Variants in GRB2 observed in about 807,000 individuals in gnomAD.
The protein encoded by GRB2 is growth factor receptor-bound protein 2.
In GRB2, 2 loss-of-function variants were observed where a neutral mutation model predicts 27.4. The ratio of observed to expected loss-of-function variants is 0.07; its 90% CI spans 0.03 to 0.23. The LOEUF (loss-of-function observed/expected upper bound fraction) is 0.23, where lower values mean the gene tolerates loss of function less well. Ranked by LOEUF, GRB2 falls within the 10% of genes least tolerant of loss-of-function variation. The pLI is 1.00. For synonymous variants in GRB2, 94 were observed against 99.6 expected (o/e 0.94, Z 0.33); for missense variants, 102 against 282.4 (o/e 0.36, Z 4.58).
At chr17:75,393,894 C>T in intron 1 of GRB2, 129 bp from the exon 2 acceptor site, 1 of 485,612 alleles carries the variant, frequency 2.1e-6, no homozygotes, top group Non-Finnish European at 3.6e-6. Context: ...CCCTCCCTTC[C>T]AGGCAACAGC....
At chr17:75,389,236 C>G (rs1307471320) in intron 2 of GRB2, among the ~76,000 whole-genome samples, 1 of 152,174 alleles carries the variant, frequency 6.6e-6, no homozygotes, top group Non-Finnish European at 1.5e-5. Context: ...CTTCCTATCT[C>G]AAACACAACA....
intron 2 of GRB2, among the ~76,000 whole-genome samples, chr17:75,345,203 T>C (rs36023980): frequency 0.62 from 93,616 of 151,684 alleles, 33,135 homozygotes; most frequent in East Asian, 0.86. Context: ...CCACCACGCC[T>C]GGCTAATTTT....
At position 75,353,908 on chromosome 17, in the gene GRB2, T is replaced by A. The variant is rs569584927; in HGVS notation, c.79-21111A>T. Among the ~76,000 whole-genome samples, 41 of 146,336 alleles carry A rather than the reference T, an allele frequency of 2.8e-4. No homozygotes were observed. In the South Asian group the frequency reaches 9.0e-3, roughly 32 times the overall value. ...ACAAAAAATTAGCCAAGCATGGTGG[T>A]GCATGCCTGTAATCCCAGCTACTTG... On this transcript the variant is annotated intron_variant, in intron 2 of 5. Transcript: ENST00000316804.
At chr17:75,364,150 T>C (rs897670797) in intron 2 of GRB2, among the ~76,000 whole-genome samples, 14 of 152,166 alleles carry the variant, frequency 9.2e-5, no homozygotes, top group Non-Finnish European at 1.6e-4. Flanking sequence ...TCTCCCATAT[T>C]ACCTTGCCCA....
At position 75,381,764 on chromosome 17, in the gene GRB2, AAAT is replaced by A. The variant is rs921193890; in HGVS notation, c.78+11784_78+11786del. Among the ~76,000 whole-genome samples, 629 of 151,686 alleles carry A rather than the reference AAAT, an allele frequency of 4.1e-3. 6 individuals are homozygous for A. Among genetic ancestry groups the A allele is most frequent in the African/African-American group, 0.014 (592 of 41,388 alleles). On this transcript the variant is annotated intron_variant, in intron 2 of 5. Coordinates refer to ENST00000316804, the MANE Select transcript of GRB2 (RefSeq NM_002086.5). The stretch of plus-strand genomic sequence containing the variant: ...AAAAAAAAGAAAATAAAGATATATG[AAAT>A]AATGACATGAAATGATCAACACTTC...
chr17:75,322,698 C>A (rs1464471266), intron 4 of GRB2, among the ~76,000 whole-genome samples: 3 of 152,130 alleles, frequency 2.0e-5, no homozygotes, highest in Non-Finnish European at 4.4e-5. Flanking sequence ...CCCTTTTATA[C>A]TGGCAAGCAA....
At chr17:75,333,395 G>GT (rs1295028842) in intron 2 of GRB2, among the ~76,000 whole-genome samples, 1 of 152,076 alleles carries the variant, frequency 6.6e-6, no homozygotes, top group Non-Finnish European at 1.5e-5. Context: ...GTTTGGTTTG[G>GT]TTTTTCTAAG....
chr17:75,399,057 T>C (rs1259828354), intron 1 of GRB2, among the ~76,000 whole-genome samples: 2 of 151,978 alleles, frequency 1.3e-5, no homozygotes, highest in Non-Finnish European at 1.5e-5. Context: ...CTATTTACTT[T>C]TATTATTTGA....
In GRB2 at chr17:75,332,681, C is replaced by T; in HGVS notation, c.176+19G>A. ...GGAGGTGGGTCCAACCCTTCCAAGA[C>T]TAATGGAGCTTAACTTACGGATGTG... On this transcript the variant is annotated intron_variant, in intron 3 of 5. Transcript: ENST00000316804. 2.7e-6 allele frequency: 4 copies of T among 1,463,482 alleles called. No homozygotes were observed. The highest frequency in any genetic ancestry group is 2.9e-6 in the Non-Finnish European group (3 of 1,044,198). 90.7% of individuals were successfully genotyped at this position (1,463,482 alleles called of 1,614,324 possible). A position where few individuals can be genotyped will look rare whatever the true frequency, so the allele number is the denominator to read the frequency against.
chr17:75,378,462 T>C (rs2078908562), intron 2 of GRB2, among the ~76,000 whole-genome samples: 1 of 152,146 alleles, frequency 6.6e-6, no homozygotes. Context: ...CCTGAGGATA[T>C]GCGGGTGAGA....
At chr17:75,401,662 T>C (rs559645213) in intron 1 of GRB2, among the ~76,000 whole-genome samples, 2 of 152,186 alleles carry the variant, frequency 1.3e-5, no homozygotes, top group Non-Finnish European at 2.9e-5. Context: ...CACTTACTAA[T>C]GAGGGGACAC....
chr17:75,353,474 C>A (rs200387844), intron 2 of GRB2, among the ~76,000 whole-genome samples: 7 of 141,184 alleles, frequency 5.0e-5, no homozygotes, highest in South Asian at 4.5e-4. Flanking sequence ...AAAAAAAAAA[C>A]CATTTTTACC....
chr17:75,332,885 G>T, intron 2 of GRB2, 88 bp from the exon 3 acceptor site: 2 of 809,722 alleles, frequency 2.5e-6, no homozygotes, highest in Non-Finnish European at 4.0e-6. Flanking sequence ...TATCTTTTAG[G>T]TCTGTGAACG....
chr17:75,343,856 G>A lies in GRB2; in HGVS notation c.79-11059C>T, dbSNP rs538585847. ...AGAAAGGAGAGGAAGGGAGGGGGCA[G>A]GAAGAGACCAACACAGAGATCAAGA... On this transcript the variant is annotated intron_variant, in intron 2 of 5. Coordinates refer to ENST00000316804, the MANE Select transcript of GRB2 (RefSeq NM_002086.5). 4.9e-4 allele frequency among the ~76,000 whole-genome samples: 75 copies of A among 152,264 alleles called. 1 individual carries two copies. The highest frequency in any genetic ancestry group is 1.7e-3 in the African/African-American group (72 of 41,552).
At chr17:75,400,349 C>G (rs935477349) in intron 1 of GRB2, among the ~76,000 whole-genome samples, 1 of 151,390 alleles carries the variant, frequency 6.6e-6, no homozygotes, top group Non-Finnish European at 1.5e-5. Flanking sequence ...AATTTTTGTA[C>G]TGTTAGTAGA....
intron 2 of GRB2, among the ~76,000 whole-genome samples, chr17:75,350,083 A>G (rs2078680280): frequency 2.0e-5 from 3 of 151,908 alleles, no homozygotes; most frequent in Admixed American, 6.6e-5. Context: ...CTAAGGGAGC[A>G]GCTGGGCACA....
chr17:75,331,627 AAAC>A (rs1189049842), intron 3 of GRB2, among the ~76,000 whole-genome samples: 7 of 152,226 alleles, frequency 4.6e-5, no homozygotes, highest in Non-Finnish European at 1.0e-4. Flanking sequence ...AGGAGCCAGC[AAAC>A]AATAATGGCC....
intron 2 of GRB2, among the ~76,000 whole-genome samples, chr17:75,354,424 G>A (rs565536540): frequency 8.7e-4 from 133 of 152,142 alleles, no homozygotes; most frequent in African/African-American, 3.1e-3. Context: ...CACCACAACC[G>A]GCTAATTTTT....
chr17:75,345,408 C>A (rs1043554587), intron 2 of GRB2, among the ~76,000 whole-genome samples: 3 of 152,052 alleles, frequency 2.0e-5, no homozygotes, highest in South Asian at 4.1e-4. Flanking sequence ...AAGGACTGAT[C>A]GATTTTCAGT....
Sources: allele counts gnomAD v4.1 joint callset (sites outside exome capture counted in the v4.1 genomes callset), GRCh38; gene constraint gnomAD v4.1.1; transcripts MANE v1.5; gene names NCBI Gene and HGNC (gene_info 2026-07-23, HGNC 2026-07-21).